Variants in C1QTNF1 observed in about 807,000 individuals in gnomAD.
The protein encoded by C1QTNF1 is complement C1q tumor necrosis factor-related protein 1.
Under a neutral mutation model 27.8 loss-of-function variants are expected in C1QTNF1, and 22 were observed. That is an observed-to-expected ratio of 0.79 (90% CI 0.56 to 1.13). C1QTNF1 has a LOEUF of 1.13. Among genes scored for constraint, C1QTNF1 ranks in the 50% most tolerant of loss-of-function variants. C1QTNF1 has a pLI of 0.00. For missense variants in C1QTNF1, 373 were observed against 380.2 expected, an observed-to-expected ratio of 0.98 and a Z score of 0.16; for synonymous variants, 166 against 154.3, an observed-to-expected ratio of 1.08 and a Z score of -0.56.
intron 1 of C1QTNF1, among the ~76,000 whole-genome samples, chr17:79,038,974 C>T (rs533364468): frequency 6.6e-6 from 1 of 152,206 alleles, no homozygotes; most frequent in South Asian, 2.1e-4. Context: ...GAGCCACCAC[C>T]GCCAAAGTGG....
Position 79,046,220 on chromosome 17 carries a change from C to T in C1QTNF1, c.156-335C>T, listed in dbSNP as rs1017862854. On this transcript the variant is annotated intron_variant, in intron 2 of 3. Coordinates refer to ENST00000579760, the MANE Select transcript of C1QTNF1 (RefSeq NM_030968.5). The surrounding 1 kb of genome is among the most constrained non-coding windows in gnomAD (Gnocchi z 4.8). ...GTTATTTTCTAGCATCACGGATATA[C>T]GATAGGGAGTCCCGGCATTGTCTTG... 6.6e-6 allele frequency among the ~76,000 whole-genome samples: 1 copy of T among 152,032 alleles called. No homozygotes were observed. Among genetic ancestry groups the T allele is most frequent in the Non-Finnish European group, 1.5e-5 (1 of 68,036 alleles).
At chr17:79,038,237 G>T (rs2072311629) in intron 1 of C1QTNF1, among the ~76,000 whole-genome samples, 1 of 151,888 alleles carries the variant, frequency 6.6e-6, no homozygotes. Context: ...TGATCCACCT[G>T]CCTTGGCCTC....
intron 1 of C1QTNF1, among the ~76,000 whole-genome samples, chr17:79,033,989 T>C (rs1026640051): frequency 6.6e-5 from 10 of 152,100 alleles, no homozygotes; most frequent in Non-Finnish European, 1.5e-4. Flanking sequence ...TGGGATGCTG[T>C]GCTGATTATA....
chr17:79,029,264 G>A (rs1439719806), intron 1 of C1QTNF1, among the ~76,000 whole-genome samples: 1 of 152,184 alleles, frequency 6.6e-6, no homozygotes, highest in Non-Finnish European at 1.5e-5. Flanking sequence ...GGAGGAGGAG[G>A]AGCCTATGCT....
intron 1 of C1QTNF1, among the ~76,000 whole-genome samples, chr17:79,025,307 C>T (rs2071913020): frequency 1.3e-5 from 2 of 152,168 alleles, no homozygotes; most frequent in Admixed American, 1.3e-4. Flanking sequence ...ACTCTTCCAG[C>T]CCCAGAAAGC....
Position 79,037,256 on chromosome 17 carries a change from A to G in C1QTNF1, c.-14-6699A>G, listed in dbSNP as rs545941100. ...GCGATTCTCCTGCCTCAGCCTCCCA[A>G]GTAGCTGGGATTACAGGCACGTGCC... On this transcript the variant is annotated intron_variant, in intron 1 of 3. Coordinates refer to ENST00000579760, the MANE Select transcript of C1QTNF1 (RefSeq NM_030968.5). 1.0e-3 allele frequency among the ~76,000 whole-genome samples: 158 copies of G among 152,224 alleles called. 1 individual carries two copies. The highest frequency in any genetic ancestry group is 3.6e-3 in the African/African-American group (150 of 41,516).
intron 1 of C1QTNF1, among the ~76,000 whole-genome samples, chr17:79,030,985 C>G (rs1016332502): frequency 6.6e-6 from 1 of 151,446 alleles, no homozygotes; most frequent in Non-Finnish European, 1.5e-5. Flanking sequence ...TCCCCAGTCC[C>G]TCCATATTAT....
At chr17:79,027,037 AGCT>A in intron 1 of C1QTNF1, among the ~76,000 whole-genome samples, 1 of 144,936 alleles carries the variant, frequency 6.9e-6, no homozygotes, top group African/African-American at 2.5e-5. Context: ...CAGGGACTGG[AGCT>A]TCCCATTTGT....
chr17:79,033,096 C>T (rs967546465), intron 1 of C1QTNF1, among the ~76,000 whole-genome samples: 1 of 149,558 alleles, frequency 6.7e-6, no homozygotes, highest in Middle Eastern at 3.5e-3. Flanking sequence ...AAAGTCTTAG[C>T]GCAGAGCAAA....
chr17:79,040,678 G>A (rs1173766450), intron 1 of C1QTNF1, among the ~76,000 whole-genome samples: 1 of 146,286 alleles, frequency 6.8e-6, no homozygotes, highest in Non-Finnish European at 1.5e-5. Flanking sequence ...CAGATCACTT[G>A]AGCCCGGGAG....
intron 1 of C1QTNF1, among the ~76,000 whole-genome samples, chr17:79,035,891 G>T (rs756628292): frequency 1.3e-5 from 2 of 152,198 alleles, no homozygotes; most frequent in Non-Finnish European, 2.9e-5. Flanking sequence ...AGGTCTGGGG[G>T]ACAGCGGAGC....
intron 1 of C1QTNF1, chr17:79,025,889 CAT>C: frequency 2.3e-6 from 1 of 429,104 alleles, no homozygotes; most frequent in Non-Finnish European, 4.7e-6. Flanking sequence ...TCATCACCAT[CAT>C]CATCATCATC....
chr17:79,046,629 G>A lies in C1QTNF1; in HGVS notation c.230G>A (p.Cys77Tyr), dbSNP rs748358025. The change falls in exon 3 of 4, where the codon TGT becomes TAT. Residue 77 changes from cysteine to tyrosine, a missense_variant. Cys to Tyr is a radical substitution (Grantham distance 194). Transcript: ENST00000579760. The surrounding 1 kb of genome is among the most constrained non-coding windows in gnomAD (Gnocchi z 4.8). ...GLPASRCLRC[C>Y]DPGTSMYPAT... The stretch of plus-strand genomic sequence containing the variant: ...CCTGCTTCCCGGTGCTTGCGCTGCT[G>A]TGACCCCGGTACCTCCATGTACCCG... The A allele has an allele frequency of 1.2e-6, 2 of 1,614,116 alleles. No individual in the cohort carries two copies. Among genetic ancestry groups the A allele is most frequent in the East Asian group, 2.2e-5 (1 of 44,892 alleles).
rs1038251589 is a variant in C1QTNF1 at position 79,048,759 on chromosome 17, G to A, written c.*671G>A. 4 of 152,226 alleles carry A rather than the reference G, an allele frequency of 2.6e-5. No homozygotes were observed. Among genetic ancestry groups the A allele is most frequent in the African/African-American group, 7.2e-5 (3 of 41,466 alleles). 9.4% of individuals were successfully genotyped at this position (152,226 alleles called of 1,614,324 possible). The stretch of plus-strand genomic sequence containing the variant: ...GGTGATGGGGGCTGGGGCCCCAGGC[G>A]TCAGCCTCCCAGAGGGACAGCTGAG... On this transcript the variant is annotated 3_prime_UTR_variant, in exon 4 of 4. Coordinates refer to ENST00000579760, the MANE Select transcript of C1QTNF1 (RefSeq NM_030968.5).
intron 2 of C1QTNF1, among the ~76,000 whole-genome samples, chr17:79,045,550 G>A (rs1345543266): frequency 6.6e-6 from 1 of 152,200 alleles, no homozygotes; most frequent in East Asian, 1.9e-4. Context: ...CAGTTCTGGA[G>A]GTGCCTTTTG....
chr17:79,043,437 T>G, intron 1 of C1QTNF1: 1 of 454,038 alleles, frequency 2.2e-6, no homozygotes. Context: ...TGTGTGCATG[T>G]GAGCGTGTGG....
At chr17:79,042,097 C>G (rs745395161) in intron 1 of C1QTNF1, among the ~76,000 whole-genome samples, 24 of 152,188 alleles carry the variant, frequency 1.6e-4, no homozygotes, top group Non-Finnish European at 2.4e-4. Flanking sequence ...TCTCACTGGG[C>G]GGCTGTGTGT....
chr17:79,047,240 T>TTA (rs2072605627), intron 3 of C1QTNF1: 2 of 233,636 alleles, frequency 8.6e-6, no homozygotes, highest in African/African-American at 4.6e-5. Context: ...TTTCTTTTCT[T>TTA]TTTTTTTTTT....
chr17:79,046,610 T>C lies in C1QTNF1; in HGVS notation c.211T>C (p.Ser71Pro), dbSNP rs2072580130. 1 of 1,614,098 alleles carries C rather than the reference T, an allele frequency of 6.2e-7. No individual in the cohort carries two copies. Among genetic ancestry groups the C allele is most frequent in the Admixed American group, 1.7e-5 (1 of 60,016 alleles). The change falls in exon 3 of 4, where the codon TCC becomes CCC. Residue 71 changes from serine to proline, a missense_variant. Coordinates refer to ENST00000579760, the MANE Select transcript of C1QTNF1 (RefSeq NM_030968.5). This position sits in a 1 kb window ranked among gnomAD's most constrained non-coding sequence, Gnocchi z 4.8. The part of the protein sequence containing the change: ...RPSQDQGLPA[S>P]RCLRCCDPGT... ...CAGTCAGGACCAGGGGCTCCCTGCTTCCCGGTGCTTGCGCTGCTGTGACCC... is the reference window on the plus strand; with the variant it reads ...CAGTCAGGACCAGGGGCTCCCTGCTCCCCGGTGCTTGCGCTGCTGTGACCC...
Sources: allele counts gnomAD v4.1 joint callset (sites outside exome capture counted in the v4.1 genomes callset), GRCh38; gene constraint gnomAD v4.1.1; non-coding constraint Gnocchi (gnomAD v3.1); transcripts MANE v1.5; gene names NCBI Gene and HGNC (gene_info 2026-07-23, HGNC 2026-07-21).